NFIA: variants seen among roughly 807,000 people sequenced by gnomAD.
The protein encoded by NFIA is nuclear factor 1 A-type.
In NFIA, 8 loss-of-function variants were observed where a neutral mutation model predicts 62.8. That is an observed-to-expected ratio of 0.13 (90% CI 0.07 to 0.23). The LOEUF (loss-of-function observed/expected upper bound fraction) is 0.23. Ranked by LOEUF, NFIA falls within the 10% of genes least tolerant of loss-of-function variation. The pLI, the probability that NFIA is intolerant of heterozygous loss-of-function variation, is 1.00. For synonymous variants in NFIA, 235 were observed against 238.1 expected, an observed-to-expected ratio of 0.99 and a Z score of 0.12; for missense variants, 410 against 642.1, an observed-to-expected ratio of 0.64 and a Z score of 3.91.
intron 3 of NFIA, among the ~76,000 whole-genome samples, chr1:61,318,948 G>A (rs1466084162): frequency 6.6e-6 from 1 of 152,156 alleles, no homozygotes; most frequent in African/African-American, 2.4e-5. Flanking sequence ...GTAAGATAGA[G>A]TGTATGGTAA....
chr1:61,200,023 T>TGC (rs1652329579), intron 2 of NFIA, among the ~76,000 whole-genome samples: 1 of 24,270 alleles, frequency 4.1e-5, no homozygotes, highest in African/African-American at 2.3e-4. Flanking sequence ...TATATATATA[T>TGC]ATATATATAT....
intron 2 of NFIA, among the ~76,000 whole-genome samples, chr1:61,207,627 G>A (rs917596481): frequency 1.3e-5 from 2 of 152,118 alleles, no homozygotes; most frequent in Admixed American, 6.5e-5. Flanking sequence ...CCACAGAAGC[G>A]CTGTTCAGAT....
intron 2 of NFIA, among the ~76,000 whole-genome samples, chr1:61,150,454 C>T (rs1205356041): frequency 6.6e-6 from 1 of 152,160 alleles, no homozygotes; most frequent in African/African-American, 2.4e-5. Context: ...TTGGGGCATC[C>T]TTTCATGGTA....
intron 10 of NFIA, among the ~76,000 whole-genome samples, chr1:61,427,271 A>G (rs984082051): frequency 1.3e-5 from 2 of 152,236 alleles, no homozygotes; most frequent in African/African-American, 4.8e-5. Context: ...GCTGCTGTAT[A>G]TTGAGAAACA....
intron 3 of NFIA, among the ~76,000 whole-genome samples, chr1:61,319,790 AACACACACACACACAC>A (rs58845526): frequency 4.3e-4 from 60 of 139,612 alleles, no homozygotes; most frequent in South Asian, 1.2e-3. Context: ...GGAAGAATTA[AACACACACACACACAC>A]ACACACACAC....
chr1:61,387,482 T>TGTTTG (rs1553180862), intron 7 of NFIA, among the ~76,000 whole-genome samples: 1 of 112,012 alleles, frequency 8.9e-6, no homozygotes, highest in African/African-American at 3.3e-5. Flanking sequence ...TTTTTTTTTT[T>TGTTTG]TTTTTTTTTG....
chr1:61,117,219 G>C (rs972451219), intron 2 of NFIA, among the ~76,000 whole-genome samples: 2 of 152,134 alleles, frequency 1.3e-5, no homozygotes, highest in Admixed American at 6.5e-5. Flanking sequence ...ATAAATGAAA[G>C]CTTTTTCTCT....
chr1:61,082,688 C>T lies in NFIA; in HGVS notation c.-104C>T, dbSNP rs1185598167. ...TCTCCCCCCTTCTCTCTCTCTCTCT[C>T]TCTCTCTCTTCCTCTCTCCCTCTTT... is the stretch of plus-strand genomic sequence containing the variant. On this transcript the variant is annotated 5_prime_UTR_variant, in exon 1 of 11. Coordinates refer to ENST00000403491, the MANE Select transcript of NFIA (RefSeq NM_001134673.4). 1 of 1,541,374 alleles carries T rather than the reference C, an allele frequency of 6.5e-7. No individual in the cohort carries two copies. Among genetic ancestry groups the T allele is most frequent in the Non-Finnish European group, 8.8e-7 (1 of 1,141,194 alleles).
chr1:61,443,927 C>T (rs1667697011), intron 10 of NFIA, among the ~76,000 whole-genome samples: 1 of 152,178 alleles, frequency 6.6e-6, no homozygotes, highest in Non-Finnish European at 1.5e-5. Flanking sequence ...CCCTTCAACT[C>T]TTCCTGCTTC....
At chr1:61,203,730 C>T (rs780466801) in intron 2 of NFIA, among the ~76,000 whole-genome samples, 1 of 152,070 alleles carries the variant, frequency 6.6e-6, no homozygotes, top group Non-Finnish European at 1.5e-5. Context: ...TTCTTAAACA[C>T]TGGGATGGTG....
rs546322376 is a variant in NFIA, at chr1:61,376,330, A to G, written c.947-6907A>G. Among the ~76,000 whole-genome samples the G allele has an allele frequency of 5.0e-4, 76 of 152,308 alleles. No individual in the cohort carries two copies. The Middle Eastern group carries it at 0.014, about 27-fold the overall frequency. ...TTTTGTCCTTTCTTGTTATAGATAGATAACATGGTTTGCAGGAGGCTTTAT... is the reference window on the plus strand; with the variant it reads ...TTTTGTCCTTTCTTGTTATAGATAGGTAACATGGTTTGCAGGAGGCTTTAT... On this transcript the variant is annotated intron_variant, in intron 6 of 10. Transcript: ENST00000403491.
chr1:61,355,402 A>G (rs753719801), intron 5 of NFIA, among the ~76,000 whole-genome samples: 5 of 152,162 alleles, frequency 3.3e-5, no homozygotes, highest in Non-Finnish European at 7.3e-5. Flanking sequence ...TCAAAATCAT[A>G]GAAAGAGCAG....
intron 2 of NFIA, among the ~76,000 whole-genome samples, chr1:61,184,121 A>C (rs1326309010): frequency 1.4e-5 from 2 of 144,220 alleles, no homozygotes; most frequent in Non-Finnish European, 3.0e-5. Flanking sequence ...GGGGGAAAAA[A>C]AACCAAAAAA....
chr1:61,371,342 T>G (rs1421722312), intron 6 of NFIA, among the ~76,000 whole-genome samples: 1 of 152,120 alleles, frequency 6.6e-6, no homozygotes, highest in African/African-American at 2.4e-5. Flanking sequence ...TCCAGTGGAT[T>G]TTTTTTTCCT....
intron 5 of NFIA, among the ~76,000 whole-genome samples, chr1:61,358,379 C>CTTTCTTTCTTTTTTTTTTTTTTT (rs71582639): frequency 1.9e-5 from 1 of 52,616 alleles, no homozygotes; most frequent in African/African-American, 8.5e-5. Context: ...TTCTTTCTTT[C>CTTTCTTTCTTTTTTTTTTTTTTT]TTTTTTTTTT....
intron 2 of NFIA, among the ~76,000 whole-genome samples, chr1:61,199,333 A>C (rs1652256780): frequency 6.6e-6 from 1 of 152,238 alleles, no homozygotes; most frequent in Non-Finnish European, 1.5e-5. Context: ...GATATCTGTT[A>C]ATAGCTACCA....
chr1:61,413,318 A>G (rs1464362896), intron 9 of NFIA, among the ~76,000 whole-genome samples: 1 of 152,192 alleles, frequency 6.6e-6, no homozygotes, highest in Non-Finnish European at 1.5e-5. Flanking sequence ...ATAATAATTA[A>G]CATGTGTTCA....
intron 2 of NFIA, among the ~76,000 whole-genome samples, chr1:61,225,553 CTTT>C (rs71244590): frequency 4.9e-5 from 6 of 122,562 alleles, no homozygotes; most frequent in Admixed American, 8.4e-5. Context: ...CCAGCTCGTA[CTTT>C]TTTTTTTTTT....
At chr1:61,320,493 T>C (rs548331024) in intron 3 of NFIA, among the ~76,000 whole-genome samples, 5 of 152,320 alleles carry the variant, frequency 3.3e-5, no homozygotes, top group African/African-American at 9.6e-5. Flanking sequence ...CTAGTTTTAT[T>C]TTATATTTGG....
Sources: gnomAD v4.1 joint callset for allele counts (sites outside exome capture counted in the v4.1 genomes callset) on GRCh38, gnomAD v4.1.1 for gene constraint, MANE v1.5 for transcripts, NCBI Gene and HGNC (gene_info 2026-07-23, HGNC 2026-07-21) for gene names.